Variants in OPN1SW observed in about 807,000 individuals in gnomAD.
OPN1SW encodes opsin 1, short wave sensitive, also known as short-wave-sensitive opsin 1.
In OPN1SW, 25 loss-of-function variants were observed where a neutral mutation model predicts 31.9. That is an observed-to-expected ratio of 0.78 (90% CI 0.57 to 1.09). The LOEUF (loss-of-function observed/expected upper bound fraction) is 1.09. Ranked by LOEUF, OPN1SW falls within the 50% of genes least tolerant of loss-of-function variation. The pLI, the probability that OPN1SW is intolerant of heterozygous loss-of-function variation, is 0.00. For synonymous variants in OPN1SW, 190 were observed against 171.9 expected (o/e 1.11, Z -0.82); for missense variants, 424 against 448.0 (o/e 0.95, Z 0.48).
In OPN1SW at chr7:128,773,740, C is replaced by G; in HGVS notation, c.827G>C (p.Gly276Ala). ...AATGGTGACAAGCCGTAAGTCCAGC[C>G]CATGGTTACGGTTGTTGACCATGTA... ...AMYMVNNRNHGLDLRLVTIPS... is the reference protein window; with the variant it reads ...AMYMVNNRNHALDLRLVTIPS... Residue 276 changes from glycine to alanine, a missense_variant, in exon 4 of 5, where the codon GGG (glycine) becomes GCG (alanine). Coordinates refer to ENST00000249389, the MANE Select transcript of OPN1SW (RefSeq NM_001385125.1). 2 of 1,614,176 alleles carry G rather than the reference C, an allele frequency of 1.2e-6. No homozygotes were observed. Among genetic ancestry groups the G allele is most frequent in the Non-Finnish European group, 1.7e-6 (2 of 1,180,030 alleles).
Position 128,775,045 on chromosome 7 carries a change from G to A in OPN1SW, c.453C>T (p.Val151=). 6.2e-7 allele frequency: 1 copy of A among 1,614,212 alleles called. No individual in the cohort carries two copies. The highest frequency in any genetic ancestry group is 8.5e-7 in the Non-Finnish European group (1 of 1,180,046). ...RFSSKHALTV[V]LATWTIGIGV... ...CAATACCAATGGTCCAGGTAGCCAG[G>A]ACCACCGTCAGTGCATGCTTGGAGC... Residue 151 remains valine, a synonymous_variant, in exon 2 of 5, where the codon GTC becomes GTT. Coordinates refer to ENST00000249389, the MANE Select transcript of OPN1SW (RefSeq NM_001385125.1).
In OPN1SW at chr7:128,773,816, T is replaced by G; in HGVS notation, c.751A>C (p.Met251Leu). The G allele has an allele frequency of 6.2e-7, 1 of 1,613,988 alleles. No homozygotes were observed. The highest frequency in any genetic ancestry group is 8.5e-7 in the Non-Finnish European group (1 of 1,180,014). Reference protein sequence around the residue: ...EREVSRMVVVMVGSFCVCYVP... With the variant: ...EREVSRMVVVLVGSFCVCYVP... ...TAGCAGACACAGAAGGATCCTACCA[T>G]CACAACCACCATGCGGCTCACCTCC... Residue 251 changes from methionine to leucine, a missense_variant, in exon 4 of 5, where the codon ATG (methionine) becomes CTG (leucine). Coordinates refer to ENST00000249389, the MANE Select transcript of OPN1SW (RefSeq NM_001385125.1).
At position 128,773,755 on chromosome 7, in the gene OPN1SW, TTGACCATGTACATGGCGA is replaced by T; in HGVS notation, c.794_811del (p.Phe265_Asn271delinsTyr). 6.2e-7 allele frequency: 1 copy of T among 1,614,198 alleles called. No individual in the cohort carries two copies. The highest frequency in any genetic ancestry group is 8.5e-7 in the Non-Finnish European group (1 of 1,180,030). On this transcript the variant is annotated inframe_deletion, in exon 4 of 5. Transcript: ENST00000249389. ...TAAGTCCAGCCCATGGTTACGGTTG[TTGACCATGTACATGGCGA>T]AGGCCGCGTAGGGCACGTAGCAGAC...
intron 2 of OPN1SW, 108 bp downstream of exon 2, chr7:128,774,878 C>G: frequency 9.5e-6 from 14 of 1,480,800 alleles, no homozygotes; most frequent in Non-Finnish European, 1.2e-5. Context: ...CATATTGCAA[C>G]TCTTTAAAAG....
At position 128,775,149 on chromosome 7, in the gene OPN1SW, C is replaced by G; in HGVS notation, c.349G>C (p.Val117Leu). 1 of 1,614,064 alleles carries G rather than the reference C, an allele frequency of 6.2e-7. No individual in the cohort carries two copies. Among genetic ancestry groups the G allele is most frequent in the Non-Finnish European group, 8.5e-7 (1 of 1,179,970 alleles). ...EGFLGTVAGL[V>L]TGWSLAFLAF... ...AGGAAGGCCAGTGACCATCCTGTAA[C>G]CAGACCTGTGGTGAAATGTGAGGAT... Residue 117 changes from valine (V) to leucine (L), a missense_variant, in exon 2 of 5, where the codon GTT becomes CTT. Coordinates refer to ENST00000249389, the MANE Select transcript of OPN1SW (RefSeq NM_001385125.1).
chr7:128,774,508 G>T lies in OPN1SW; in HGVS notation c.668C>A (p.Ala223Asp). The T allele has an allele frequency of 6.2e-7, 1 of 1,613,854 alleles. No individual in the cohort carries two copies. The change falls in exon 3 of 5, where the codon GCC becomes GAC. Residue 223 changes from alanine (A) to aspartate (D), a missense_variant. Transcript: ENST00000249389. Reference protein sequence around the residue: ...ICFSYTQLLRALKAVAAQQQE... With the variant: ...ICFSYTQLLRDLKAVAAQQQE... The stretch of plus-strand genomic sequence containing the variant: ...TCAAATGCCACTCACAGCTTTCAGG[G>T]CCCTCAGCAGCTGAGTGTAGGAGAA...
At chr7:128,772,769 T>C (rs558800220) in intron 4 of OPN1SW, 110 bp from the exon 5 acceptor site, 92 of 1,439,660 alleles carry the variant, frequency 6.4e-5, no homozygotes, top group Non-Finnish European at 8.4e-5. Context: ...GTACCCAGAA[T>C]GCCCTTAGGT....
chr7:128,775,617 GGCCACCAGCACCA>G lies in OPN1SW; in HGVS notation c.152_164del (p.Met51ThrfsTer59). 6.2e-7 allele frequency: 1 copy of G among 1,614,164 alleles called. No individual in the cohort carries two copies. The highest frequency in any genetic ancestry group is 8.5e-7 in the Non-Finnish European group (1 of 1,180,014). ...GCCGCAACTTTTTGTAGCGCAGTGT[GGCCACCAGCACCA>G]TGGCATTGAGTGGGAACCCTATAAG... On this transcript the variant is annotated frameshift_variant, in exon 1 of 5. Coordinates refer to ENST00000249389, the MANE Select transcript of OPN1SW (RefSeq NM_001385125.1). LOFTEE classifies it high-confidence loss of function.
intron 2 of OPN1SW, 89 bp downstream of exon 2, chr7:128,774,897 A>G: frequency 1.3e-6 from 2 of 1,555,780 alleles, no homozygotes; most frequent in Non-Finnish European, 1.8e-6. Flanking sequence ...AGTAGAGGTC[A>G]AAGACTAAAT....
intron 2 of OPN1SW, 120 bp from the exon 3 acceptor site, chr7:128,774,783 G>T: frequency 1.4e-6 from 2 of 1,456,480 alleles, no homozygotes; most frequent in South Asian, 1.2e-5. Context: ...CAAGCAGGGG[G>T]GTTTTCTGTC....
chr7:128,774,452 G>T, intron 3 of OPN1SW, 46 bp downstream of exon 3: 1 of 1,609,396 alleles, frequency 6.2e-7, no homozygotes, highest in South Asian at 1.1e-5. Context: ...TCCTTCTCAT[G>T]TGGAGCCCCG....
In OPN1SW at chr7:128,774,987, G is replaced by A. The variant is rs339041; in HGVS notation, c.511C>T (p.Arg171Trp). Residue 171 changes from arginine to tryptophan, a missense_variant and splice_region_variant, in exon 2 of 5, where the codon CGG becomes TGG. Physicochemically the swap from Arg to Trp is moderately radical, Grantham distance 101. Transcript: ENST00000249389. Reference sequence around the variant, plus strand: ...AGCACCACTGCCCTGCACTCTCACCGGCTCCAGCCAAAGAAGGGTGGGATG... The same window carrying A: ...AGCACCACTGCCCTGCACTCTCACCAGCTCCAGCCAAAGAAGGGTGGGATG... ...VSIPPFFGWS[R>W]FIPEGLQCSC... The A allele has an allele frequency of 8.7e-5, 140 of 1,613,864 alleles. No homozygotes were observed. In the African/African-American group the frequency reaches 1.6e-3, roughly 18 times the overall value.
In OPN1SW at chr7:128,772,544, T is replaced by C. The variant is rs776133013; in HGVS notation, c.1034A>G (p.Asn345Ser). 2.3e-5 allele frequency: 37 copies of C among 1,614,046 alleles called. No homozygotes were observed. The highest frequency in any genetic ancestry group is 6.7e-5 in the Admixed American group (4 of 59,994). ...AAACAGGCCAATATTGGGTCCTCAG[T>C]TGGGGCCAACTTGGGTAGACGAGAC... ...STVSSTQVGP[N>S] The change falls in exon 5 of 5, where the codon AAC becomes AGC. Residue 345 changes from asparagine (N) to serine (S), a missense_variant. Transcript: ENST00000249389.
intron 4 of OPN1SW, among the ~76,000 whole-genome samples, chr7:128,773,400 A>T (rs555231478): frequency 6.6e-6 from 1 of 152,232 alleles, no homozygotes; most frequent in South Asian, 2.1e-4. Flanking sequence ...GCTTTCATTC[A>T]TCCTGTTCTT....
chr7:128,774,865 C>T, intron 2 of OPN1SW, 121 bp downstream of exon 2: 2 of 1,410,680 alleles, frequency 1.4e-6, no homozygotes, highest in Non-Finnish European at 2.0e-6. Flanking sequence ...TGCCCTTTCG[C>T]CTCATATTGC....
At position 128,775,111 on chromosome 7, in the gene OPN1SW, G is replaced by A; in HGVS notation, c.387C>T (p.Arg129=). The change falls in exon 2 of 5, where the codon CGC becomes CGT. Residue 129 remains arginine, a synonymous_variant. Coordinates refer to ENST00000249389, the MANE Select transcript of OPN1SW (RefSeq NM_001385125.1). ...GWSLAFLAFE[R]YIVICKPFGN... ...CGAAGGGCTTACAGATGACAATGTA[G>A]CGCTCAAAGGCCAGGAAGGCCAGTG... is the stretch of plus-strand genomic sequence containing the variant. 2 of 1,614,222 alleles carry A rather than the reference G, an allele frequency of 1.2e-6. No individual in the cohort carries two copies. Among genetic ancestry groups the A allele is most frequent in the Non-Finnish European group, 1.7e-6 (2 of 1,180,042 alleles).
In OPN1SW at chr7:128,775,610, G is replaced by A. The variant is rs62479596; in HGVS notation, c.172C>T (p.Arg58Cys). ...AGGGGCTGCCGCAACTTTTTGTAGC[G>A]CAGTGTGGCCACCAGCACCATGGCA... ...LNAMVLVATLRYKKLRQPLNY... is the reference protein window; with the variant it reads ...LNAMVLVATLCYKKLRQPLNY... Residue 58 changes from arginine to cysteine, a missense_variant, in exon 1 of 5, where the codon CGC becomes TGC. Arg to Cys is a radical substitution (Grantham distance 180, BLOSUM62 -3). Coordinates refer to ENST00000249389, the MANE Select transcript of OPN1SW (RefSeq NM_001385125.1). 99 of 1,614,150 alleles carry A rather than the reference G, an allele frequency of 6.1e-5. No individual in the cohort carries two copies. Among genetic ancestry groups the A allele is most frequent in the African/African-American group, 5.3e-5 (4 of 75,032 alleles).
In OPN1SW at chr7:128,775,328, C is replaced by T. The variant is rs184257053; in HGVS notation, c.343+111G>A. 79 of 1,325,874 alleles carry T rather than the reference C, an allele frequency of 6.0e-5. No individual in the cohort carries two copies. The African/African-American group carries it at 8.5e-4, about 14-fold the overall frequency. 82.1% of individuals were successfully genotyped at this position (1,325,874 alleles called of 1,614,324 possible). On this transcript the variant is annotated intron_variant, in intron 1 of 4. Coordinates refer to ENST00000249389, the MANE Select transcript of OPN1SW (RefSeq NM_001385125.1). ...CTTCTAGTCTGGGTTGCTTTGTACC[C>T]CAGTATTTTAAAAAGCACCAGACTC... is the stretch of plus-strand genomic sequence containing the variant.
intron 1 of OPN1SW, 34 bp downstream of exon 1, chr7:128,775,405 T>C: frequency 6.3e-7 from 1 of 1,590,216 alleles, no homozygotes; most frequent in Non-Finnish European, 8.6e-7. Flanking sequence ...TAGCAACCTT[T>C]GCCTTCCCCT....
Sources: allele counts gnomAD v4.1 joint callset (sites outside exome capture counted in the v4.1 genomes callset), GRCh38; gene constraint gnomAD v4.1.1; transcripts MANE v1.5; gene names NCBI Gene and HGNC (gene_info 2026-07-23, HGNC 2026-07-21).